TOP1: variants seen among roughly 807,000 people sequenced by gnomAD.
TOP1 encodes DNA topoisomerase I.
A neutral mutation model predicts 111.1 loss-of-function variants in TOP1; 10 were observed. The ratio of observed to expected loss-of-function variants is 0.09; its 90% CI spans 0.06 to 0.15. The LOEUF (loss-of-function observed/expected upper bound fraction) is 0.15. Among genes scored for constraint, TOP1 ranks in the 10% least tolerant of loss-of-function variants. The pLI is 1.00. For missense variants in TOP1, 474 were observed against 926.7 expected (o/e 0.51, Z 6.34); for synonymous variants, 271 against 302.9 (o/e 0.89, Z 1.10).
In TOP1 at chr20:41,065,805, T is replaced by C. The variant is rs117928138; in HGVS notation, c.155+4315T>C. 6.1e-3 allele frequency among the ~76,000 whole-genome samples: 922 copies of C among 152,330 alleles called. 7 individuals carry two copies. The highest frequency in any genetic ancestry group is 0.019 in the South Asian group (90 of 4,828). ...AATCACATTTAAAAAAATCCATCTG[T>C]TGATGGACACTTGGGTTGTTTCCAC... On this transcript the variant is annotated intron_variant, in intron 3 of 20. Coordinates refer to ENST00000361337, the MANE Select transcript of TOP1 (RefSeq NM_003286.4).
At position 41,122,802 on chromosome 20, in the gene TOP1, G is replaced by A. The variant is rs889417080; in HGVS notation, c.2196-393G>A. On this transcript the variant is annotated intron_variant, in intron 20 of 20. Coordinates refer to ENST00000361337, the MANE Select transcript of TOP1 (RefSeq NM_003286.4). The surrounding 1 kb of genome is among the most constrained non-coding windows in gnomAD (Gnocchi z 5.4). ...AGGTCTTTTGTACCTCTTTCTGCTCGTTTTGCCTTGTTTGGTGCTAGAGAT... is the reference window on the plus strand; with the variant it reads ...AGGTCTTTTGTACCTCTTTCTGCTCATTTTGCCTTGTTTGGTGCTAGAGAT... Among the ~76,000 whole-genome samples, 4 of 152,160 alleles carry A rather than the reference G, an allele frequency of 2.6e-5. No individual in the cohort carries two copies. The highest frequency in any genetic ancestry group is 1.3e-4 in the Admixed American group (2 of 15,284).
In TOP1 at chr20:41,098,397, T is replaced by C. The variant is rs2034011463; in HGVS notation, c.975+60T>C. The stretch of plus-strand genomic sequence containing the variant: ...TGGAATTGTGATTGGTTCATTTAAC[T>C]TTCTTCTTGGTTCTTATGACACAAC... On this transcript the variant is annotated intron_variant, in intron 11 of 20. Coordinates refer to ENST00000361337, the MANE Select transcript of TOP1 (RefSeq NM_003286.4). The surrounding 1 kb of genome is among the most constrained non-coding windows in gnomAD (Gnocchi z 5.7). 3 of 1,564,132 alleles carry C rather than the reference T, an allele frequency of 1.9e-6. No homozygotes were observed. Among genetic ancestry groups the C allele is most frequent in the African/African-American group, 2.7e-5 (2 of 73,074 alleles).
chr20:41,117,380 A>ATTTTTTTTTTTTTTTTTT (rs1192075214), intron 17 of TOP1, among the ~76,000 whole-genome samples: 1 of 85,530 alleles, frequency 1.2e-5, no homozygotes, highest in African/African-American at 4.9e-5. Context: ...CTGTGGCTTA[A>ATTTTTTTTTTTTTTTTTT]TTTTTTTTTT....
At chr20:41,081,126 A>G in intron 6 of TOP1, 39 bp from the exon 7 acceptor site, 5 of 1,561,722 alleles carry the variant, frequency 3.2e-6, no homozygotes, top group Non-Finnish European at 4.3e-6. Context: ...CTCCTGAATC[A>G]TAATTATGTT....
chr20:41,113,867 G>A, intron 14 of TOP1, 103 bp from the exon 15 acceptor site: 1 of 974,996 alleles, frequency 1.0e-6, no homozygotes, highest in Non-Finnish European at 1.5e-6. Flanking sequence ...TGGCGACAGA[G>A]CGAGACTGTC....
At chr20:41,043,222 A>G (rs1284657827) in intron 2 of TOP1, among the ~76,000 whole-genome samples, 1 of 152,236 alleles carries the variant, frequency 6.6e-6, no homozygotes, top group African/African-American at 2.4e-5. Flanking sequence ...AGTGTCTACC[A>G]GGTGATCAGA....
At position 41,056,052 on chromosome 20, in the gene TOP1, C is replaced by T. The variant is rs190908133; in HGVS notation, c.59-5342C>T. On this transcript the variant is annotated intron_variant, in intron 2 of 20. Transcript: ENST00000361337. ...GCTTCAGTAATTACCAACCTTTTGC[C>T]AGTTGAATTTTGTCTATCCCCGTAT... Among the ~76,000 whole-genome samples, 193 of 152,274 alleles carry T rather than the reference C, an allele frequency of 1.3e-3. 2 individuals carry two copies. Among genetic ancestry groups the T allele is most frequent in the South Asian group, 0.012 (59 of 4,824 alleles).
rs985942484 is a variant in TOP1 at position 41,095,440 on chromosome 20, A to G, written c.731-1780A>G. On this transcript the variant is annotated intron_variant, in intron 9 of 20. Coordinates refer to ENST00000361337, the MANE Select transcript of TOP1 (RefSeq NM_003286.4). This position sits in a 1 kb window ranked among gnomAD's most constrained non-coding sequence, Gnocchi z 4.6. ...CTAATGACTTAATGTTTTCCTTTAT[A>G]TTGGAAACATGTTACAGTTTTCTAA... 6.6e-6 allele frequency among the ~76,000 whole-genome samples: 1 copy of G among 152,018 alleles called. No homozygotes were observed. Among genetic ancestry groups the G allele is most frequent in the Non-Finnish European group, 1.5e-5 (1 of 67,980 alleles).
In TOP1 at chr20:41,030,340, G is replaced by GT. The variant is rs1259733338; in HGVS notation, c.58+886dup. On this transcript the variant is annotated intron_variant, in intron 2 of 20. Transcript: ENST00000361337. This position sits in a 1 kb window ranked among gnomAD's most constrained non-coding sequence, Gnocchi z 4.1. ...GTTGAGCATCTCTTGTGGACCTGGTGTGTTGGCCTTTTCGTTTGGGTTGTA... is the reference window on the plus strand; with the variant it reads ...GTTGAGCATCTCTTGTGGACCTGGTGTTGTTGGCCTTTTCGTTTGGGTTGTA... Among the ~76,000 whole-genome samples the GT allele has an allele frequency of 6.6e-6, 1 of 152,134 alleles. No homozygotes were observed. The highest frequency in any genetic ancestry group is 2.4e-5 in the African/African-American group (1 of 41,416).
At chr20:41,077,437 C>G in intron 4 of TOP1, 145 bp from the exon 5 acceptor site, 1 of 635,242 alleles carries the variant, frequency 1.6e-6, no homozygotes, top group Non-Finnish European at 2.8e-6. Context: ...ATTTCAGGAC[C>G]TTTAGTTCAT....
rs1381893710 is a variant in TOP1 at position 41,046,322 on chromosome 20, T to A, written c.59-15072T>A. Among the ~76,000 whole-genome samples, 1 of 152,222 alleles carries A rather than the reference T, an allele frequency of 6.6e-6. No homozygotes were observed. The highest frequency in any genetic ancestry group is 1.9e-4 in the East Asian group (1 of 5,200). ...TAACTAGCTCAAGGCTATATAGTTA[T>A]AACTAAGCCACAGAGCAGGGAGGCT... On this transcript the variant is annotated intron_variant, in intron 2 of 20. Coordinates refer to ENST00000361337, the MANE Select transcript of TOP1 (RefSeq NM_003286.4). This position sits in a 1 kb window ranked among gnomAD's most constrained non-coding sequence, Gnocchi z 4.3.
At position 41,092,393 on chromosome 20, in the gene TOP1, T is replaced by C; in HGVS notation, c.615-79T>C. 1 of 647,446 alleles carries C rather than the reference T, an allele frequency of 1.5e-6. No homozygotes were observed. The highest frequency in any genetic ancestry group is 2.7e-6 in the Non-Finnish European group (1 of 377,200). 40.1% of individuals were successfully genotyped at this position (647,446 alleles called of 1,614,324 possible). A position where few individuals can be genotyped will look rare whatever the true frequency, so the allele number is the denominator to read the frequency against. Reference sequence around the variant, plus strand: ...GAGCACTAATCAGTTGAGCGGATAATTATTTGGCATTTAATCAGTGATGAT... The same window carrying C: ...GAGCACTAATCAGTTGAGCGGATAACTATTTGGCATTTAATCAGTGATGAT... On this transcript the variant is annotated intron_variant, in intron 8 of 20. Coordinates refer to ENST00000361337, the MANE Select transcript of TOP1 (RefSeq NM_003286.4). This position sits in a 1 kb window ranked among gnomAD's most constrained non-coding sequence, Gnocchi z 4.3.
rs545096592 is a variant in TOP1 at position 41,036,599 on chromosome 20, A to AT, written c.58+7145dup. 1.8e-3 allele frequency among the ~76,000 whole-genome samples: 281 copies of AT among 152,252 alleles called. 1 individual carries two copies. Among genetic ancestry groups the AT allele is most frequent in the Non-Finnish European group, 1.0e-3 (68 of 68,010 alleles). On this transcript the variant is annotated intron_variant, in intron 2 of 20. Transcript: ENST00000361337. ...AATGTTAGGTTTGAAATAGTGATTG[A>AT]TGTTGGGGAGTCTGTCTTTCATTGG...
In TOP1 at chr20:41,079,996, T is replaced by G; in HGVS notation, c.336-89T>G. ...CGTGGTTATCCTTATTTCTGTTAGC[T>G]TCTTTTCAACGAAATGACATATTCC... On this transcript the variant is annotated intron_variant, in intron 5 of 20. Coordinates refer to ENST00000361337, the MANE Select transcript of TOP1 (RefSeq NM_003286.4). This position sits in a 1 kb window ranked among gnomAD's most constrained non-coding sequence, Gnocchi z 4.0. 1.2e-6 allele frequency: 1 copy of G among 819,440 alleles called. No homozygotes were observed. Among genetic ancestry groups the G allele is most frequent in the Non-Finnish European group, 2.0e-6 (1 of 492,854 alleles). The allele number at this position is 819,440 out of a possible 1,614,324, so 50.8% of individuals were successfully genotyped here.
In TOP1 at chr20:41,101,114, A is replaced by C. The variant is rs1463646362; in HGVS notation, c.1164-95A>C. 24 of 1,393,596 alleles carry C rather than the reference A, an allele frequency of 1.7e-5. No homozygotes were observed. The Admixed American group carries it at 4.5e-4, about 26-fold the overall frequency. The allele number at this position is 1,393,596 out of a possible 1,614,324, so 86.3% of individuals were successfully genotyped here. A position where few individuals can be genotyped will look rare whatever the true frequency, so the allele number is the denominator to read the frequency against. ...TTGACTGTTAAGAAGGAAACTTGGA[A>C]AATTATGCTCAGCAGATAGGTCCAC... On this transcript the variant is annotated intron_variant, in intron 12 of 20. Coordinates refer to ENST00000361337, the MANE Select transcript of TOP1 (RefSeq NM_003286.4). The surrounding 1 kb of genome is among the most constrained non-coding windows in gnomAD (Gnocchi z 4.1).
At chr20:41,076,357 A>G (rs1377260129) in intron 4 of TOP1, 63 bp downstream of exon 4, 4 of 1,539,928 alleles carry the variant, frequency 2.6e-6, no homozygotes, top group African/African-American at 1.4e-5. Context: ...CTTTGAAAGC[A>G]GATATCTTAA....
At chr20:41,103,574 T>C (rs1460203122) in intron 13 of TOP1, among the ~76,000 whole-genome samples, 2 of 152,102 alleles carry the variant, frequency 1.3e-5, no homozygotes, top group African/African-American at 4.8e-5. Context: ...TCTGAGAGTA[T>C]ACCAGGGTAC....
At chr20:41,059,362 G>A (rs1399079207) in intron 2 of TOP1, among the ~76,000 whole-genome samples, 2 of 150,884 alleles carry the variant, frequency 1.3e-5, no homozygotes, top group Non-Finnish European at 2.9e-5. Context: ...CGTCTTTATT[G>A]ATTAGAAAAA....
At chr20:41,075,004 T>C (rs2033709276) in intron 3 of TOP1, among the ~76,000 whole-genome samples, 1 of 152,218 alleles carries the variant, frequency 6.6e-6, no homozygotes, top group Non-Finnish European at 1.5e-5. Context: ...TTTCCAAATG[T>C]GTTTGTGGTA....
Sources: gnomAD v4.1 joint callset for allele counts (sites outside exome capture counted in the v4.1 genomes callset) on GRCh38, gnomAD v4.1.1 for gene constraint, Gnocchi (gnomAD v3.1) non-coding constraint, MANE v1.5 for transcripts, NCBI Gene and HGNC (gene_info 2026-07-23, HGNC 2026-07-21) for gene names.